The following ZNF385D variants were observed in gnomAD, a reference collection of about 807,000 sequenced individuals.
The protein encoded by ZNF385D is zinc finger protein 385D, also known as zinc finger protein 659.
In ZNF385D, 15 loss-of-function variants were observed where a neutral mutation model predicts 35.8. The observed-to-expected ratio is 0.42, with a 90% confidence interval of 0.28 to 0.64. The LOEUF is 0.64. Ranked by LOEUF, ZNF385D falls within the 30% of genes least tolerant of loss-of-function variation. The pLI, the probability that ZNF385D is intolerant of heterozygous loss-of-function variation, is 0.23. For missense variants in ZNF385D, 474 were observed against 494.6 expected (o/e 0.96, Z 0.39); for synonymous variants, 212 against 186.8 (o/e 1.13, Z -1.10).
chr3:21,799,093 G>T (rs2072283139), intron 3 of ZNF385D, among the ~76,000 whole-genome samples: 1 of 152,090 alleles, frequency 6.6e-6, no homozygotes. Context: ...CACTTAGCAT[G>T]TTTTCAAGGT....
intron 2 of ZNF385D, among the ~76,000 whole-genome samples, chr3:22,304,819 T>C (rs1259730825): frequency 6.6e-6 from 1 of 152,184 alleles, no homozygotes; most frequent in Non-Finnish European, 1.5e-5. Context: ...TCAGTGCCAC[T>C]ACTTGCTTTC....
chr3:22,165,368 G>C (rs561734046), intron 3 of ZNF385D, among the ~76,000 whole-genome samples: 1 of 152,256 alleles, frequency 6.6e-6, no homozygotes, highest in East Asian at 1.9e-4. Flanking sequence ...TCAAGCACCG[G>C]TCTGATGGCT....
Position 22,060,472 on chromosome 3 carries a change from G to A in ZNF385D, c.325+108345C>T, listed in dbSNP as rs142967307. Among the ~76,000 whole-genome samples the A allele has an allele frequency of 2.0e-5, 3 of 152,220 alleles. No homozygotes were observed. The East Asian group carries it at 5.8e-4, about 29-fold the overall frequency. On this transcript the variant is annotated intron_variant, in intron 3 of 5. Coordinates refer to the ZNF385D transcript ENST00000494108. ...TGAAGGGACAGGAATAGCATAGTGA[G>A]GACTTTTTCCAAAGATGAAATTAAA...
intron 3 of ZNF385D, among the ~76,000 whole-genome samples, chr3:21,821,798 A>G (rs981013038): frequency 6.6e-6 from 1 of 151,878 alleles, no homozygotes; most frequent in Non-Finnish European, 1.5e-5. Context: ...CCATCTCTAC[A>G]AAATTTTTTT....
At chr3:21,923,920 G>A (rs567746753) in intron 3 of ZNF385D, among the ~76,000 whole-genome samples, 1 of 152,216 alleles carries the variant, frequency 6.6e-6, no homozygotes, top group Non-Finnish European at 1.5e-5. Context: ...TAACAAACCT[G>A]CACGTGTACC....
At chr3:21,583,640 T>G (rs2063728018) in intron 2 of ZNF385D, among the ~76,000 whole-genome samples, 1 of 152,066 alleles carries the variant, frequency 6.6e-6, no homozygotes, top group Non-Finnish European at 1.5e-5. Flanking sequence ...ATATGTATAT[T>G]CTGTCACATT....
chr3:21,740,207 A>T (rs34453667), intron 1 of ZNF385D, among the ~76,000 whole-genome samples: 67,144 of 151,946 alleles, frequency 0.44, 14,841 homozygotes, highest in Middle Eastern at 0.53. Flanking sequence ...TAAGTATACT[A>T]AGGTTGGAAA....
At chr3:21,921,628 T>TA (rs1055451325) in intron 3 of ZNF385D, among the ~76,000 whole-genome samples, 1 of 151,702 alleles carries the variant, frequency 6.6e-6, no homozygotes, top group Admixed American at 6.6e-5. Flanking sequence ...AGAAAACACC[T>TA]AAAAAAAGAG....
At position 22,255,406 on chromosome 3, in the gene ZNF385D, A is replaced by C. The variant is rs537352625; in HGVS notation, c.107-86371T>G. Among the ~76,000 whole-genome samples, 6 of 151,974 alleles carry C rather than the reference A, an allele frequency of 3.9e-5. No individual in the cohort carries two copies. In the East Asian group the frequency reaches 9.7e-4, roughly 25 times the overall value. ...GCATATTTTATCCTACAGATATGAAATAACTTACTTACACACACTTAACAT... is the reference window on the plus strand; with the variant it reads ...GCATATTTTATCCTACAGATATGAACTAACTTACTTACACACACTTAACAT... On this transcript the variant is annotated intron_variant, in intron 2 of 5. Coordinates refer to the ZNF385D transcript ENST00000494108.
chr3:21,924,041 T>C (rs1449027912), intron 3 of ZNF385D, among the ~76,000 whole-genome samples: 1 of 152,128 alleles, frequency 6.6e-6, no homozygotes, highest in Non-Finnish European at 1.5e-5. Flanking sequence ...ACCAAAATTA[T>C]CCTCTTATTT....
At chr3:22,141,264 C>T (rs919928074) in intron 3 of ZNF385D, among the ~76,000 whole-genome samples, 6 of 151,000 alleles carry the variant, frequency 4.0e-5, no homozygotes, top group African/African-American at 1.5e-4. Flanking sequence ...GTTCCCAATG[C>T]AATATTTCAT....
intron 4 of ZNF385D, among the ~76,000 whole-genome samples, chr3:21,462,697 A>G (rs1400306605): frequency 1.3e-5 from 2 of 152,212 alleles, no homozygotes; most frequent in African/African-American, 4.8e-5. Context: ...AAGAGGCAAC[A>G]TTGGCCAGGC....
chr3:22,137,434 C>T (rs1704213529), intron 3 of ZNF385D, among the ~76,000 whole-genome samples: 1 of 152,142 alleles, frequency 6.6e-6, no homozygotes, highest in Non-Finnish European at 1.5e-5. Flanking sequence ...AAAATACTGG[C>T]AAATCGAATC....
chr3:21,698,142 G>A (rs2067537027), intron 1 of ZNF385D, among the ~76,000 whole-genome samples: 1 of 152,094 alleles, frequency 6.6e-6, no homozygotes, highest in Non-Finnish European at 1.5e-5. Flanking sequence ...AAAGACACCT[G>A]CACACATATG....
At chr3:21,955,726 T>C (rs554858779) in intron 3 of ZNF385D, among the ~76,000 whole-genome samples, 4 of 152,288 alleles carry the variant, frequency 2.6e-5, no homozygotes, top group East Asian at 1.9e-4. Flanking sequence ...GATTAACTCA[T>C]TGAGTTATGG....
At chr3:21,768,290 A>C (rs1265281081) in intron 3 of ZNF385D, among the ~76,000 whole-genome samples, 1 of 152,138 alleles carries the variant, frequency 6.6e-6, no homozygotes, top group Non-Finnish European at 1.5e-5. Flanking sequence ...ATCATACCTT[A>C]ACAGCATAAT....
intron 3 of ZNF385D, among the ~76,000 whole-genome samples, chr3:21,974,966 G>A (rs372962210): frequency 1.3e-5 from 2 of 152,302 alleles, no homozygotes; most frequent in East Asian, 1.9e-4. Context: ...AACACTGTTA[G>A]TGGAAATGAA....
In ZNF385D at chr3:22,278,680, C is replaced by G. The variant is rs1701558572; in HGVS notation, c.106+93770G>C. Among the ~76,000 whole-genome samples the G allele has an allele frequency of 2.0e-5, 3 of 152,178 alleles. No homozygotes were observed. The South Asian group carries it at 6.2e-4, about 32-fold the overall frequency. ...TGTCATTCATTTTCCCTCCTTGACACTCTCCACTTCTTTTTCATTTCTTCC... is the reference window on the plus strand; with the variant it reads ...TGTCATTCATTTTCCCTCCTTGACAGTCTCCACTTCTTTTTCATTTCTTCC... On this transcript the variant is annotated intron_variant, in intron 2 of 5. Coordinates refer to the ZNF385D transcript ENST00000494108.
In ZNF385D at chr3:22,150,324, T is replaced by C. The variant is rs140675933; in HGVS notation, c.325+18493A>G. 6.4e-3 allele frequency among the ~76,000 whole-genome samples: 968 copies of C among 152,278 alleles called. 7 individuals carry two copies. Among genetic ancestry groups the C allele is most frequent in the African/African-American group, 0.021 (862 of 41,568 alleles). On this transcript the variant is annotated intron_variant, in intron 3 of 5. Transcript: ENST00000494108. ...CTCCTAGGTTATATATGTATGTATT[T>C]ATAAAACATGAATAGTTTTGCTTTA...
Sources: allele counts gnomAD v4.1 joint callset (sites outside exome capture counted in the v4.1 genomes callset), GRCh38; gene constraint gnomAD v4.1.1; transcripts MANE v1.5; gene names NCBI Gene and HGNC (gene_info 2026-07-23, HGNC 2026-07-21).